The following PDGFC variants were observed in gnomAD, a reference collection of about 807,000 sequenced individuals.
PDGFC encodes platelet-derived growth factor C.
A neutral mutation model predicts 35.5 loss-of-function variants in PDGFC; 12 were observed. That is an observed-to-expected ratio of 0.34 (90% CI 0.22 to 0.55). The LOEUF is 0.55. PDGFC is among the 20% of genes least tolerant of loss of function. PDGFC has a pLI of 0.91. For missense variants in PDGFC, 322 were observed against 412.4 expected, an observed-to-expected ratio of 0.78 and a Z score of 1.90; for synonymous variants, 159 against 148.8, an observed-to-expected ratio of 1.07 and a Z score of -0.50.
chr4:156,934,715 C>T (rs1194816795), intron 1 of PDGFC, among the ~76,000 whole-genome samples: 1 of 152,142 alleles, frequency 6.6e-6, no homozygotes, highest in Non-Finnish European at 1.5e-5. Context: ...TATCCATATT[C>T]TATGTGCTTG....
intron 3 of PDGFC, among the ~76,000 whole-genome samples, chr4:156,777,615 T>C (rs1386810570): frequency 2.0e-5 from 3 of 152,192 alleles, no homozygotes; most frequent in Non-Finnish European, 4.4e-5. Flanking sequence ...TCTCAATTTC[T>C]AGCAACCAAA....
chr4:156,859,146 C>G (rs1219407043), intron 1 of PDGFC, among the ~76,000 whole-genome samples: 1 of 151,912 alleles, frequency 6.6e-6, no homozygotes, highest in African/African-American at 2.4e-5. Flanking sequence ...TTTTTAAGCT[C>G]TGAATTGAGC....
chr4:156,772,731 A>T lies in PDGFC; in HGVS notation c.658T>A (p.Trp220Arg), dbSNP rs907608501. The T allele has an allele frequency of 1.2e-6, 2 of 1,613,656 alleles. No homozygotes were observed. Among genetic ancestry groups the T allele is most frequent in the Admixed American group, 1.7e-5 (1 of 59,990 alleles). ...LDLEDLYRPT[W>R]QLLGKAFVFG... The stretch of plus-strand genomic sequence containing the variant: ...ACAAAAGCCTTGCCAAGAAGTTGCC[A>T]AGTTGGCCTATATAGATCTTCTAAG... Residue 220 changes from tryptophan to arginine, a missense_variant, in exon 4 of 6, where the codon TGG becomes AGG. Around this residue, in one of 2 missense-constraint regions of PDGFC, gnomAD observed 202 missense variants for 295.9 expected, o/e 0.68. Transcript: ENST00000502773.
intron 1 of PDGFC, among the ~76,000 whole-genome samples, chr4:156,851,772 A>G (rs1162721650): frequency 6.6e-6 from 1 of 151,886 alleles, no homozygotes; most frequent in Non-Finnish European, 1.5e-5. Flanking sequence ...TCTACTAAAA[A>G]TACAAAAAAT....
chr4:156,861,112 T>C (rs1225818361), intron 1 of PDGFC, among the ~76,000 whole-genome samples: 1 of 152,070 alleles, frequency 6.6e-6, no homozygotes, highest in African/African-American at 2.4e-5. Flanking sequence ...TCAGAGAATA[T>C]ACAGAAGTGG....
intron 3 of PDGFC, among the ~76,000 whole-genome samples, chr4:156,799,479 G>A (rs1731538028): frequency 6.6e-6 from 1 of 152,112 alleles, no homozygotes; most frequent in Admixed American, 6.6e-5. Flanking sequence ...CAAATACTGT[G>A]CACAGATTGC....
intron 3 of PDGFC, among the ~76,000 whole-genome samples, chr4:156,801,647 T>C (rs551497350): frequency 6.6e-6 from 1 of 152,344 alleles, no homozygotes; most frequent in Admixed American, 6.5e-5. Flanking sequence ...GTTTTGAATA[T>C]TTTATTAATC....
intron 2 of PDGFC, among the ~76,000 whole-genome samples, chr4:156,827,206 A>G (rs941129585): frequency 1.3e-5 from 2 of 152,186 alleles, no homozygotes; most frequent in Admixed American, 6.5e-5. Flanking sequence ...ACACGAGGTC[A>G]GGAGATTGAG....
Position 156,762,454 on chromosome 4 carries a change from A to G in PDGFC, c.*636T>C, listed in dbSNP as rs187684513. 6.6e-6 allele frequency: 1 copy of G among 152,522 alleles called. No homozygotes were observed. Among genetic ancestry groups the G allele is most frequent in the Non-Finnish European group, 1.5e-5 (1 of 68,028 alleles). The allele number at this position is 152,522 out of a possible 1,614,324, so 9.4% of individuals were successfully genotyped here. ...TTCTTTTCAGGTTTATCTCTTCCAA[A>G]CCATGAATGTAGTTCTCTTCTTCTA... On this transcript the variant is annotated 3_prime_UTR_variant, in exon 6 of 6. Transcript: ENST00000502773.
intron 1 of PDGFC, among the ~76,000 whole-genome samples, chr4:156,890,417 C>T (rs1730475816): frequency 6.6e-6 from 1 of 152,168 alleles, no homozygotes; most frequent in Non-Finnish European, 1.5e-5. Flanking sequence ...GGCTATGCTG[C>T]TTCAGCACTT....
At chr4:156,776,885 T>G (rs1730842836) in intron 3 of PDGFC, among the ~76,000 whole-genome samples, 1 of 152,198 alleles carries the variant, frequency 6.6e-6, no homozygotes, top group Admixed American at 6.5e-5. Context: ...GGTAGCTATA[T>G]TCAATGACCT....
intron 2 of PDGFC, among the ~76,000 whole-genome samples, chr4:156,811,279 T>TA (rs1182159234): frequency 2.0e-5 from 3 of 152,208 alleles, no homozygotes; most frequent in East Asian, 3.9e-4. Flanking sequence ...TCCTAAAACT[T>TA]AAACATTTTG....
chr4:156,781,233 T>G lies in PDGFC; in HGVS notation c.496-8340A>C, dbSNP rs865896053. Among the ~76,000 whole-genome samples the G allele has an allele frequency of 2.0e-5, 3 of 152,132 alleles. No individual in the cohort carries two copies. The South Asian group carries it at 6.2e-4, about 31-fold the overall frequency. On this transcript the variant is annotated intron_variant, in intron 3 of 5. Transcript: ENST00000502773. ...CACATCAAGTTATCTTGGCTCAATC[T>G]TCATACTATGTCTGGAATCTGACCA...
At chr4:156,966,262 TG>T (rs762532990) in intron 1 of PDGFC, among the ~76,000 whole-genome samples, 19 of 152,156 alleles carry the variant, frequency 1.2e-4, no homozygotes, top group Admixed American at 5.2e-4. Flanking sequence ...CAACAGAGAT[TG>T]CTTAATAAAT....
At chr4:156,861,541 T>C in intron 1 of PDGFC, 1 of 621,512 alleles carries the variant, frequency 1.6e-6, no homozygotes. Flanking sequence ...CCTCAAATCC[T>C]AATCTAGGTG....
At chr4:156,894,948 G>T (rs1730595998) in intron 1 of PDGFC, among the ~76,000 whole-genome samples, 1 of 152,024 alleles carries the variant, frequency 6.6e-6, no homozygotes, top group Non-Finnish European at 1.5e-5. Flanking sequence ...TACTAATTCT[G>T]CATGCAAATG....
At chr4:156,818,674 T>C (rs1732163088) in intron 2 of PDGFC, among the ~76,000 whole-genome samples, 1 of 152,076 alleles carries the variant, frequency 6.6e-6, no homozygotes, top group East Asian at 1.9e-4. Context: ...GGCTAATTTT[T>C]TGTATTTTTA....
chr4:156,773,017 C>A, intron 3 of PDGFC, 124 bp from the exon 4 acceptor site: 1 of 642,832 alleles, frequency 1.6e-6, no homozygotes, highest in Admixed American at 2.6e-5. Flanking sequence ...GTATTGAATC[C>A]AATTAGAAAT....
intron 2 of PDGFC, among the ~76,000 whole-genome samples, chr4:156,824,285 CATATATATATATATATATAT>C (rs58698115): frequency 0.18 from 17,112 of 93,000 alleles, 1,601 homozygotes; most frequent in South Asian, 0.33. Context: ...ACAATGTAAG[CATATATATATATATATATAT>C]ATATATATAT....
Sources: gnomAD v4.1 joint callset for allele counts (sites outside exome capture counted in the v4.1 genomes callset) on GRCh38, gnomAD v4.1.1 for gene constraint, gnomAD v4.1.1 regional missense constraint, MANE v1.5 for transcripts, NCBI Gene and HGNC (gene_info 2026-07-23, HGNC 2026-07-21) for gene names.